SYT1: variants seen among roughly 807,000 people sequenced by gnomAD.
SYT1 encodes synaptotagmin-1.
SYT1 carries 8 observed loss-of-function variants against 44.8 expected under a neutral mutation model. That is an observed-to-expected ratio of 0.18 (90% CI 0.10 to 0.32). The LOEUF is 0.32. Ranked by LOEUF, SYT1 falls within the 10% of genes least tolerant of loss-of-function variation. SYT1 has a pLI of 1.00. For synonymous variants in SYT1, 154 were observed against 188.8 expected (o/e 0.82, Z 1.51); for missense variants, 286 against 509.3 (o/e 0.56, Z 4.22).
intron 3 of SYT1, among the ~76,000 whole-genome samples, chr12:79,056,622 A>G (rs1356022): frequency 0.2 from 30,454 of 151,982 alleles, 3,406 homozygotes; most frequent in East Asian, 0.3. Context: ...TCTAGACTGA[A>G]CAGATGTCCA....
At chr12:78,913,090 C>A (rs1277848379) in intron 1 of SYT1, among the ~76,000 whole-genome samples, 1 of 151,762 alleles carries the variant, frequency 6.6e-6, no homozygotes, top group Non-Finnish European at 1.5e-5. Context: ...ACACAATAAT[C>A]TTGATTTTCC....
intron 3 of SYT1, among the ~76,000 whole-genome samples, chr12:79,148,328 A>G (rs1870051500): frequency 6.6e-6 from 1 of 152,180 alleles, no homozygotes; most frequent in Admixed American, 6.5e-5. Flanking sequence ...AAAATAATCA[A>G]TTTAGGACAG....
intron 3 of SYT1, among the ~76,000 whole-genome samples, chr12:79,076,577 CCT>C (rs1876666687): frequency 6.6e-6 from 1 of 152,156 alleles, no homozygotes; most frequent in Non-Finnish European, 1.5e-5. Flanking sequence ...GACCCCTGGT[CCT>C]CTGTTTTTGC....
At chr12:79,325,227 G>A (rs538787292) in intron 8 of SYT1, among the ~76,000 whole-genome samples, 20 of 152,190 alleles carry the variant, frequency 1.3e-4, no homozygotes, top group Non-Finnish European at 2.4e-4. Context: ...GTTAAGGAGC[G>A]CTAACTCTCT....
chr12:79,127,207 G>A (rs1489576152), intron 3 of SYT1, among the ~76,000 whole-genome samples: 1 of 152,250 alleles, frequency 6.6e-6, no homozygotes, highest in Non-Finnish European at 1.5e-5. Flanking sequence ...GCTCATCAGA[G>A]TGTTCCTCCC....
chr12:79,181,795 G>A (rs532329810), intron 3 of SYT1, among the ~76,000 whole-genome samples: 20 of 152,134 alleles, frequency 1.3e-4, no homozygotes, highest in Admixed American at 1.1e-3. Context: ...GATAACCTTA[G>A]TTTTTAGTTC....
At chr12:79,156,483 G>A (rs955247912) in intron 3 of SYT1, among the ~76,000 whole-genome samples, 1 of 151,844 alleles carries the variant, frequency 6.6e-6, no homozygotes, top group Non-Finnish European at 1.5e-5. Flanking sequence ...TGTTGTTGTT[G>A]TTGTTATGGA....
chr12:79,418,767 C>T (rs1868912014), intron 9 of SYT1, among the ~76,000 whole-genome samples: 3 of 152,160 alleles, frequency 2.0e-5, no homozygotes, highest in Admixed American at 2.0e-4. Context: ...AGTAACTCTT[C>T]CAACCGTGGT....
chr12:78,961,252 C>A (rs1271401435), intron 1 of SYT1, among the ~76,000 whole-genome samples: 1 of 151,954 alleles, frequency 6.6e-6, no homozygotes, highest in Admixed American at 6.6e-5. Flanking sequence ...CAGGTATGCC[C>A]CACCTACCCA....
rs561245100 is a variant in SYT1 at position 78,991,636 on chromosome 12, G to A, written c.-84+13705G>A. 2.6e-5 allele frequency among the ~76,000 whole-genome samples: 4 copies of A among 152,200 alleles called. No individual in the cohort carries two copies. The East Asian group carries it at 7.7e-4, about 29-fold the overall frequency. ...TGGCACTATTTAAAATTAGAAATTA[G>A]ACTTTTTATCCATGAAAACTCTAGA... is the stretch of plus-strand genomic sequence containing the variant. On this transcript the variant is annotated intron_variant, in intron 2 of 10. Transcript: ENST00000261205.
At chr12:79,300,361 C>T (rs903676127) in intron 8 of SYT1, among the ~76,000 whole-genome samples, 3 of 152,072 alleles carry the variant, frequency 2.0e-5, no homozygotes, top group East Asian at 1.9e-4. Context: ...TAGTTCCTGA[C>T]GTAAGGCTGT....
chr12:79,081,662 A>G (rs1403817625), intron 3 of SYT1, among the ~76,000 whole-genome samples: 1 of 152,140 alleles, frequency 6.6e-6, no homozygotes, highest in Non-Finnish European at 1.5e-5. Context: ...TACGGGTGTG[A>G]GCCACGGTGC....
At chr12:79,232,866 T>A (rs565244336) in intron 4 of SYT1, among the ~76,000 whole-genome samples, 64 of 152,250 alleles carry the variant, frequency 4.2e-4, no homozygotes, top group African/African-American at 1.5e-3. Context: ...TGAGAGGACA[T>A]AATAATCAAA....
At chr12:79,391,237 C>T (rs1884646097) in intron 9 of SYT1, among the ~76,000 whole-genome samples, 1 of 152,180 alleles carries the variant, frequency 6.6e-6, no homozygotes, top group Non-Finnish European at 1.5e-5. Context: ...CCCCAGTGAT[C>T]CTGATTCAAT....
At chr12:79,378,255 C>G (rs1884080246) in intron 9 of SYT1, among the ~76,000 whole-genome samples, 1 of 152,204 alleles carries the variant, frequency 6.6e-6, no homozygotes, top group Admixed American at 6.5e-5. Context: ...CCCCAGTTTA[C>G]AGATGTGTGC....
At chr12:79,095,268 T>C (rs1213176676) in intron 3 of SYT1, among the ~76,000 whole-genome samples, 4 of 151,892 alleles carry the variant, frequency 2.6e-5, no homozygotes, top group Non-Finnish European at 5.9e-5. Context: ...TAAAGAAATG[T>C]ACTGAAAAAA....
rs1423444298 is a variant in SYT1, at chr12:79,293,154, TACAAA to T, written c.474+1026_474+1030del. Among the ~76,000 whole-genome samples, 3 of 75,628 alleles carry T rather than the reference TACAAA, an allele frequency of 4.0e-5. No individual in the cohort carries two copies. In the Admixed American group the frequency reaches 4.2e-4, roughly 11 times the overall value. 49.6% of individuals were successfully genotyped at this position (75,628 alleles called of 152,430 possible). A position where few individuals can be genotyped will look rare whatever the true frequency, so the allele number is the denominator to read the frequency against. On this transcript the variant is annotated intron_variant, in intron 6 of 10. Transcript: ENST00000261205. ...GGTGAAACCCTGTCTCTACAAAAAA[TACAAA>T]AAAAAAAAAAAAAAATTAGCTGGGC...
intron 8 of SYT1, among the ~76,000 whole-genome samples, chr12:79,312,226 G>T (rs572358237): frequency 1.3e-5 from 2 of 152,102 alleles, no homozygotes; most frequent in South Asian, 4.1e-4. Flanking sequence ...TTATTAAATC[G>T]ATTTGTAAAA....
At chr12:79,315,191 T>C (rs113807138) in intron 8 of SYT1, among the ~76,000 whole-genome samples, 1,611 of 152,258 alleles carry the variant, frequency 0.011, 31 homozygotes, top group African/African-American at 0.037. Context: ...TTATTTTCTT[T>C]ATTATTTTTA....
Sources: allele counts gnomAD v4.1 joint callset (sites outside exome capture counted in the v4.1 genomes callset), GRCh38; gene constraint gnomAD v4.1.1; transcripts MANE v1.5; gene names NCBI Gene and HGNC (gene_info 2026-07-23, HGNC 2026-07-21).